TNR: variants seen among roughly 807,000 people sequenced by gnomAD.
The protein encoded by TNR is tenascin R.
In TNR, 45 loss-of-function variants were observed where a neutral mutation model predicts 150.4. The observed-to-expected ratio is 0.30, with a 90% CI of 0.24 to 0.38. The LOEUF is 0.38. TNR is among the 10% of genes least tolerant of loss of function. TNR has a pLI of 1.00. For missense variants in TNR, 1,544 were observed against 1,759.1 expected, an observed-to-expected ratio of 0.88 and a Z score of 2.19; for synonymous variants, 687 against 678.4, an observed-to-expected ratio of 1.01 and a Z score of -0.20.
chr1:175,526,837 A>G (rs1453673093), intron 2 of TNR, among the ~76,000 whole-genome samples: 1 of 152,230 alleles, frequency 6.6e-6, no homozygotes, highest in East Asian at 1.9e-4. Context: ...TGCAATTCCA[A>G]CACCAAGCCA....
intron 1 of TNR, among the ~76,000 whole-genome samples, chr1:175,544,288 C>T (rs1199843769): frequency 1.3e-5 from 2 of 152,066 alleles, no homozygotes; most frequent in African/African-American, 2.4e-5. Flanking sequence ...AAAATTCAAG[C>T]AAAGGATAGT....
chr1:175,338,371 A>G (rs1650346669), intron 18 of TNR, among the ~76,000 whole-genome samples: 1 of 152,210 alleles, frequency 6.6e-6, no homozygotes, highest in African/African-American at 2.4e-5. Flanking sequence ...AACAATATCT[A>G]ATTAGCTGAA....
intron 2 of TNR, among the ~76,000 whole-genome samples, chr1:175,439,975 C>T (rs538913326): frequency 6.6e-6 from 1 of 152,266 alleles, no homozygotes; most frequent in South Asian, 2.1e-4. Flanking sequence ...GGTGATTCCT[C>T]AGGGATCTAG....
intron 1 of TNR, among the ~76,000 whole-genome samples, chr1:175,561,542 C>G (rs1309905081): frequency 6.6e-6 from 1 of 152,154 alleles, no homozygotes; most frequent in African/African-American, 2.4e-5. Flanking sequence ...CCTCCTTGAG[C>G]TCTTTGGCCC....
At chr1:175,359,192 C>T (rs1404698733) in intron 15 of TNR, among the ~76,000 whole-genome samples, 1 of 117,836 alleles carries the variant, frequency 8.5e-6, no homozygotes, top group Non-Finnish European at 1.6e-5. Context: ...GACTCCCAGG[C>T]TGGAGTGCAA....
intron 2 of TNR, among the ~76,000 whole-genome samples, chr1:175,442,697 A>G (rs564353088): frequency 1.1e-4 from 17 of 151,948 alleles, no homozygotes; most frequent in Admixed American, 7.2e-4. Flanking sequence ...GCATTAAAGT[A>G]TAATAAATAG....
At chr1:175,620,203 T>C (rs1459477794) in intron 1 of TNR, among the ~76,000 whole-genome samples, 1 of 152,164 alleles carries the variant, frequency 6.6e-6, no homozygotes, top group African/African-American at 2.4e-5. Context: ...AAGAGAGTAA[T>C]AGGCAGGATA....
intron 2 of TNR, among the ~76,000 whole-genome samples, chr1:175,412,664 C>T (rs778068741): frequency 6.6e-6 from 1 of 152,068 alleles, no homozygotes; most frequent in South Asian, 2.1e-4. Flanking sequence ...ACTCCAGCTC[C>T]ACCCAAGGGA....
intron 1 of TNR, among the ~76,000 whole-genome samples, chr1:175,540,148 T>C (rs1317607863): frequency 2.6e-5 from 4 of 152,186 alleles, no homozygotes; most frequent in African/African-American, 9.7e-5. Context: ...ACCACATTAT[T>C]ACCATGGCAA....
intron 1 of TNR, among the ~76,000 whole-genome samples, chr1:175,650,316 G>A (rs1664922559): frequency 6.6e-6 from 1 of 152,072 alleles, no homozygotes; most frequent in Admixed American, 6.5e-5. Flanking sequence ...CCGGGAGGCG[G>A]AGGATGAAGT....
chr1:175,550,499 AC>A, intron 1 of TNR, among the ~76,000 whole-genome samples: 1 of 146,432 alleles, frequency 6.8e-6, no homozygotes, highest in African/African-American at 2.5e-5. Context: ...TTCCCCCCTC[AC>A]CCCCCATCCT....
intron 1 of TNR, among the ~76,000 whole-genome samples, chr1:175,639,796 C>T (rs2861315): frequency 0.15 from 23,151 of 152,172 alleles, 2,269 homozygotes; most frequent in East Asian, 0.41. Flanking sequence ...ATTTCCTCTT[C>T]CTTCAGCGTG....
chr1:175,499,559 T>G (rs191214255), intron 2 of TNR, among the ~76,000 whole-genome samples: 1 of 152,332 alleles, frequency 6.6e-6, no homozygotes, highest in East Asian at 1.9e-4. Context: ...CTCTGCACCC[T>G]AGCTTTAGCA....
At chr1:175,364,847 A>G (rs2102013231) in intron 12 of TNR, among the ~76,000 whole-genome samples, 163 bp downstream of exon 12, 1 of 152,364 alleles carries the variant, frequency 6.6e-6, no homozygotes, top group South Asian at 2.1e-4. Flanking sequence ...CATCTTCTGC[A>G]GCACTGGAGG....
intron 1 of TNR, among the ~76,000 whole-genome samples, chr1:175,591,129 A>C (rs1662780462): frequency 6.6e-6 from 1 of 152,106 alleles, no homozygotes; most frequent in African/African-American, 2.4e-5. Flanking sequence ...CCTCCTGGCC[A>C]CCTCCTCTCT....
chr1:175,653,449 CAAAACA>C (rs1404271609), intron 1 of TNR, among the ~76,000 whole-genome samples: 1 of 151,944 alleles, frequency 6.6e-6, no homozygotes, highest in African/African-American at 2.4e-5. Flanking sequence ...TATTTTAAAA[CAAAACA>C]AAAACAAAAA....
chr1:175,329,922 T>G (rs917585107), intron 21 of TNR, 152 bp downstream of exon 21: 10 of 842,440 alleles, frequency 1.2e-5, no homozygotes, highest in Non-Finnish European at 1.5e-5. Context: ...GTGCCAGTGG[T>G]TCCCAGTGGC....
chr1:175,621,201 A>G (rs1663964263), intron 1 of TNR, among the ~76,000 whole-genome samples: 1 of 152,170 alleles, frequency 6.6e-6, no homozygotes, highest in Non-Finnish European at 1.5e-5. Flanking sequence ...GGCATGATGT[A>G]CTGTAATAGG....
chr1:175,383,284 A>C (rs1652771197), intron 8 of TNR, among the ~76,000 whole-genome samples: 1 of 152,212 alleles, frequency 6.6e-6, no homozygotes, highest in South Asian at 2.1e-4. Flanking sequence ...CTTTTTAAGG[A>C]GCACAATTCA....
Sources: gnomAD v4.1 joint callset for allele counts (sites outside exome capture counted in the v4.1 genomes callset) on GRCh38, gnomAD v4.1.1 for gene constraint, MANE v1.5 for transcripts, NCBI Gene and HGNC (gene_info 2026-07-23, HGNC 2026-07-21) for gene names.